Variants in CTR9 observed in about 807,000 individuals in gnomAD.
CTR9 encodes CTR9 component of Paf1/RNA polymerase II complex, also known as RNA polymerase-associated protein CTR9 homolog.
Under a neutral mutation model 152.1 loss-of-function variants are expected in CTR9, and 41 were observed. The ratio of observed to expected loss-of-function variants is 0.27; its 90% CI spans 0.21 to 0.35. The LOEUF (loss-of-function observed/expected upper bound fraction) is 0.35. Among genes scored for constraint, CTR9 ranks in the 10% least tolerant of loss-of-function variants. CTR9 has a pLI of 1.00. For synonymous variants in CTR9, 476 were observed against 496.2 expected (o/e 0.96, Z 0.54); for missense variants, 917 against 1,424.4 (o/e 0.64, Z 5.73).
At chr11:10,777,475 G>C (rs1404386093) in intron 24 of CTR9, among the ~76,000 whole-genome samples, 1 of 152,182 alleles carries the variant, frequency 6.6e-6, no homozygotes, top group East Asian at 1.9e-4. Context: ...TTGTTTTTCC[G>C]TAAAGCACTG....
At chr11:10,769,870 T>G (rs1271636208) in intron 16 of CTR9, among the ~76,000 whole-genome samples, 2 of 152,214 alleles carry the variant, frequency 1.3e-5, no homozygotes, top group East Asian at 3.8e-4. Context: ...GGTGTATGAC[T>G]TCTCATCAGT....
chr11:10,772,423 T>C (rs1863158020), intron 19 of CTR9, 97 bp from the exon 20 acceptor site: 1 of 1,063,302 alleles, frequency 9.4e-7, no homozygotes, highest in South Asian at 3.6e-5. Context: ...CTAATGGTCC[T>C]GCTTCAGATT....
At chr11:10,773,609 C>T (rs185884336) in intron 21 of CTR9, among the ~76,000 whole-genome samples, 127 of 152,142 alleles carry the variant, frequency 8.3e-4, no homozygotes, top group African/African-American at 2.8e-3. Flanking sequence ...TCATTTGGGC[C>T]GGGCACAGTG....
rs1863219615 is a variant in CTR9, at chr11:10,775,598, T to C, written c.3060T>C (p.Ser1020=). The change falls in exon 24 of 25, where the codon TCT becomes TCC. Residue 1020 remains serine, a synonymous_variant. Transcript: ENST00000361367. ...SKAIISSSDD[S]SDEDKLKIAD... ...CCATAATTTCATCAAGTGATGACTC[T>C]TCGGATGAGGATAAACTTAAAATTG... 1.2e-6 allele frequency: 2 copies of C among 1,613,080 alleles called. No homozygotes were observed. Among genetic ancestry groups the C allele is most frequent in the South Asian group, 2.2e-5 (2 of 90,960 alleles).
chr11:10,751,644 T>C (rs1862803973), intron 1 of CTR9, among the ~76,000 whole-genome samples, 187 bp downstream of exon 1: 1 of 152,106 alleles, frequency 6.6e-6, no homozygotes. Flanking sequence ...GGGCACCGCG[T>C]CTCTGCAGCC....
rs1292319385 is a variant in CTR9, at chr11:10,770,544, C to T, written c.2284C>T (p.Gln762Ter). 6.2e-7 allele frequency: 1 copy of T among 1,613,828 alleles called. No individual in the cohort carries two copies. ...VLMFNVALVL[Q>*]RLATSVLKDE... is the part of the protein sequence containing the mutation. ...TATGTTTAATGTGGCCTTGGTCCTG[C>T]AAAGATTAGCTACCTCTGTCCTGAA... is the stretch of plus-strand genomic sequence containing the variant. The change falls in exon 18 of 25, where the codon CAA becomes TAA. Residue 762 changes from glutamine to a stop codon, truncating the protein, a stop_gained. Transcript: ENST00000361367. LOFTEE classifies it high-confidence loss of function.
rs1862833602 is a variant in CTR9 at position 10,753,250 on chromosome 11, T to A, written c.144+480T>A. Among the ~76,000 whole-genome samples the A allele has an allele frequency of 2.6e-5, 4 of 152,192 alleles. No homozygotes were observed. In the South Asian group the frequency reaches 6.2e-4, roughly 24 times the overall value. On this transcript the variant is annotated intron_variant, in intron 2 of 24. Transcript: ENST00000361367. ...CTCAGACTTATGTTTTTTGTCCTAT[T>A]TAGTCTCCTTCAATGTGAATCTTAC... is the stretch of plus-strand genomic sequence containing the variant.
chr11:10,777,652 AGTTT>A (rs1191854653), intron 24 of CTR9, among the ~76,000 whole-genome samples: 2 of 152,134 alleles, frequency 1.3e-5, no homozygotes, highest in Non-Finnish European at 2.9e-5. Flanking sequence ...GTCAAGGCCA[AGTTT>A]GTTTGAGCCA....
At chr11:10,751,596 T>G in intron 1 of CTR9, 139 bp downstream of exon 1, 1 of 817,798 alleles carries the variant, frequency 1.2e-6, no homozygotes, top group East Asian at 2.7e-5. Flanking sequence ...CAAGGTCTGA[T>G]CATCATCTTC....
intron 4 of CTR9, among the ~76,000 whole-genome samples, chr11:10,756,132 A>T (rs560968890): frequency 6.6e-6 from 1 of 152,266 alleles, no homozygotes; most frequent in South Asian, 2.1e-4. Context: ...ACATAGCAAG[A>T]CCCCATCTCT....
intron 13 of CTR9, 65 bp downstream of exon 13, chr11:10,766,555 G>A: frequency 8.1e-7 from 1 of 1,233,130 alleles, no homozygotes; most frequent in Non-Finnish European, 1.1e-6. Flanking sequence ...CCATAAATCA[G>A]TTTTTCCTTT....
chr11:10,757,712 G>T (rs896116686), intron 5 of CTR9, among the ~76,000 whole-genome samples: 3 of 152,188 alleles, frequency 2.0e-5, no homozygotes, highest in Non-Finnish European at 4.4e-5. Context: ...TCTAAACCCT[G>T]AGAATGTAGC....
intron 7 of CTR9, among the ~76,000 whole-genome samples, chr11:10,762,277 T>A (rs1862990381): frequency 6.6e-6 from 1 of 152,180 alleles, no homozygotes; most frequent in Non-Finnish European, 1.5e-5. Flanking sequence ...AACACTGTGG[T>A]AGTGATGTGA....
intron 2 of CTR9, 30 bp from the exon 3 acceptor site, chr11:10,754,928 G>C: frequency 6.2e-7 from 1 of 1,601,384 alleles, no homozygotes. Flanking sequence ...ATATGCTTTA[G>C]TGATTCTAAT....
At chr11:10,764,825 A>G (rs1018997188) in intron 12 of CTR9, 94 bp downstream of exon 12, 21 of 1,198,220 alleles carry the variant, frequency 1.8e-5, no homozygotes, top group Non-Finnish European at 2.4e-5. Context: ...ATTGATAGTA[A>G]AAATTGTTTA....
At position 10,768,504 on chromosome 11, in the gene CTR9, C is replaced by G. The variant is rs2135375858; in HGVS notation, c.2109+13C>G. 6.3e-7 allele frequency: 1 copy of G among 1,578,786 alleles called. No homozygotes were observed. The highest frequency in any genetic ancestry group is 8.6e-7 in the Non-Finnish European group (1 of 1,166,120). ...CGCCGTTCAGATGGTAATAGCTTCT[C>G]TTTCAAGATATTTTTATATCTTGTT... On this transcript the variant is annotated intron_variant, in intron 16 of 24. Transcript: ENST00000361367.
intron 12 of CTR9, among the ~76,000 whole-genome samples, chr11:10,765,752 G>A (rs577442106): frequency 4.6e-5 from 7 of 152,300 alleles, no homozygotes; most frequent in South Asian, 4.1e-4. Context: ...GTGAGCCACC[G>A]TGCCCGGCAT....
intron 2 of CTR9, among the ~76,000 whole-genome samples, chr11:10,753,030 T>C (rs1171249128): frequency 6.6e-6 from 1 of 152,244 alleles, no homozygotes; most frequent in Non-Finnish European, 1.5e-5. Flanking sequence ...TATTATTTAG[T>C]GCTTGTTCAG....
At chr11:10,761,125 T>C (rs1323899898) in intron 6 of CTR9, among the ~76,000 whole-genome samples, 2 of 152,146 alleles carry the variant, frequency 1.3e-5, no homozygotes, top group African/African-American at 4.8e-5. Context: ...CCTTCCATTA[T>C]AGAATGTTTT....
Sources: allele counts gnomAD v4.1 joint callset (sites outside exome capture counted in the v4.1 genomes callset), GRCh38; gene constraint gnomAD v4.1.1; transcripts MANE v1.5; gene names NCBI Gene and HGNC (gene_info 2026-07-23, HGNC 2026-07-21).